ITGA6: variants seen among roughly 807,000 people sequenced by gnomAD.
ITGA6 encodes integrin subunit alpha 6.
In ITGA6, 63 loss-of-function variants were observed where a neutral mutation model predicts 133.6. That is an observed-to-expected ratio of 0.47 (90% CI 0.38 to 0.58). The LOEUF (loss-of-function observed/expected upper bound fraction) is 0.58. ITGA6 is among the 20% of genes least tolerant of loss of function. The probability of loss-of-function intolerance (pLI) is 0.00; values close to 1 mark genes in which losing one functional copy is unlikely to be tolerated. For missense variants in ITGA6, 1,068 were observed against 1,309.4 expected (o/e 0.82, Z 2.85); for synonymous variants, 434 against 482.0 (o/e 0.90, Z 1.30).
intron 23 of ITGA6, among the ~76,000 whole-genome samples, chr2:172,495,067 T>TA (rs1687074636): frequency 6.6e-6 from 1 of 152,212 alleles, no homozygotes; most frequent in South Asian, 2.1e-4. Context: ...TTGTAAAAGA[T>TA]ACGAAAATCC....
chr2:172,444,958 G>A (rs1029064982), intron 1 of ITGA6, among the ~76,000 whole-genome samples: 1 of 141,606 alleles, frequency 7.1e-6, no homozygotes, highest in Non-Finnish European at 1.5e-5. Flanking sequence ...CTTGATTTCT[G>A]TAGGTTTTGT....
chr2:172,449,845 C>T (rs140147392), intron 1 of ITGA6, among the ~76,000 whole-genome samples: 2,326 of 143,536 alleles, frequency 0.016, 32 homozygotes, highest in South Asian at 0.067. Context: ...TGCTTGAACC[C>T]GGGAGGCAGA....
At chr2:172,443,012 C>G (rs1382653684) in intron 1 of ITGA6, among the ~76,000 whole-genome samples, 1 of 152,046 alleles carries the variant, frequency 6.6e-6, no homozygotes, top group Non-Finnish European at 1.5e-5. Context: ...TCACATGGTA[C>G]AAATATTAAA....
intron 5 of ITGA6, among the ~76,000 whole-genome samples, chr2:172,471,782 C>A (rs1054783287): frequency 4.8e-4 from 73 of 151,590 alleles, no homozygotes; most frequent in African/African-American, 1.7e-3. Context: ...ATGGTAATTA[C>A]ACAAAGGCTT....
At chr2:172,468,290 G>A (rs1685770307) in intron 3 of ITGA6, among the ~76,000 whole-genome samples, 1 of 152,190 alleles carries the variant, frequency 6.6e-6, no homozygotes, top group Admixed American at 6.5e-5. Flanking sequence ...AAGAGGGTTT[G>A]TTAGGTGGAT....
intron 1 of ITGA6, among the ~76,000 whole-genome samples, chr2:172,433,984 T>C (rs551582374): frequency 2.4e-4 from 37 of 152,314 alleles, no homozygotes; most frequent in Middle Eastern, 3.4e-3. Context: ...GAATACCACC[T>C]GTCTGGTTTC....
At chr2:172,444,090 C>T (rs139487886) in intron 1 of ITGA6, among the ~76,000 whole-genome samples, 5 of 152,270 alleles carry the variant, frequency 3.3e-5, no homozygotes, top group Middle Eastern at 3.4e-3. Context: ...TTCATTTGAT[C>T]CTTGCAACAC....
At chr2:172,444,406 G>A (rs190100942) in intron 1 of ITGA6, among the ~76,000 whole-genome samples, 10 of 152,238 alleles carry the variant, frequency 6.6e-5, no homozygotes, top group Non-Finnish European at 1.0e-4. Flanking sequence ...GTTGGTGCAC[G>A]TTGAGTATCC....
intron 1 of ITGA6, among the ~76,000 whole-genome samples, chr2:172,448,430 G>C (rs1178449905): frequency 6.6e-6 from 1 of 152,100 alleles, no homozygotes; most frequent in Non-Finnish European, 1.5e-5. Context: ...CAAGTTACTT[G>C]TCTTCTCAAT....
At position 172,491,798 on chromosome 2, in the gene ITGA6, A is replaced by G. The variant is rs183467860; in HGVS notation, c.2988+275A>G. 6.6e-6 allele frequency among the ~76,000 whole-genome samples: 1 copy of G among 152,276 alleles called. No individual in the cohort carries two copies. Among genetic ancestry groups the G allele is most frequent in the African/African-American group, 2.4e-5 (1 of 41,560 alleles). On this transcript the variant is annotated intron_variant, in intron 23 of 25. Transcript: ENST00000684293. This position sits in a 1 kb window ranked among gnomAD's most constrained non-coding sequence, Gnocchi z 4.4. ...ATGGGTGCACCTCACAGCCCTCTAG[A>G]AACCTGTGTCTTCTACCATCTCTAA...
At chr2:172,453,623 A>G (rs1381636071) in intron 1 of ITGA6, among the ~76,000 whole-genome samples, 1 of 152,244 alleles carries the variant, frequency 6.6e-6, no homozygotes, top group Non-Finnish European at 1.5e-5. Flanking sequence ...ATTGGGCTGA[A>G]GGATGATTGC....
At position 172,506,278 on chromosome 2, in the gene ITGA6, CCAAAGTT is replaced by C. The variant is rs1291970319; in HGVS notation, c.*2213_*2219del. 6.6e-6 allele frequency: 1 copy of C among 152,560 alleles called. No individual in the cohort carries two copies. The highest frequency in any genetic ancestry group is 1.9e-4 in the East Asian group (1 of 5,204). The allele number at this position is 152,560 out of a possible 1,614,324, so 9.5% of individuals were successfully genotyped here. On this transcript the variant is annotated 3_prime_UTR_variant, in exon 26 of 26. Coordinates refer to ENST00000684293, the MANE Select transcript of ITGA6 (RefSeq NM_000210.4). The stretch of plus-strand genomic sequence containing the variant: ...AACCTGAATTATCTATTTCATCAAA[CCAAAGTT>C]CAGTGTTTTTATTTTTGGTGTCTCA...
At chr2:172,492,929 G>C (rs956476638) in intron 23 of ITGA6, among the ~76,000 whole-genome samples, 1 of 152,110 alleles carries the variant, frequency 6.6e-6, no homozygotes, top group African/African-American at 2.4e-5. Flanking sequence ...AGTTTTTTGA[G>C]ATGGAGTCTT....
At chr2:172,457,765 A>G (rs918859178) in intron 1 of ITGA6, among the ~76,000 whole-genome samples, 2 of 152,182 alleles carry the variant, frequency 1.3e-5, no homozygotes, top group East Asian at 3.8e-4. Context: ...CTGGGGGGGA[A>G]GCTAGGCTGG....
chr2:172,498,092 C>T lies in ITGA6; in HGVS notation c.3106C>T (p.Leu1036=). The T allele has an allele frequency of 6.2e-7, 1 of 1,613,430 alleles. No homozygotes were observed. The highest frequency in any genetic ancestry group is 8.5e-7 in the Non-Finnish European group (1 of 1,179,492). The change falls in exon 24 of 26, where the codon CTA becomes TTA. Residue 1036 remains leucine, a synonymous_variant. Transcript: ENST00000684293. ...GATGCTTGCTTTATTAGTGTTTATA[C>T]TATGGAAGGTAAGTCATATCTGGCA... ...ILMLALLVFI[L]WKCGFFKRNK...
intron 4 of ITGA6, 114 bp downstream of exon 4, chr2:172,469,494 G>T: frequency 1.1e-6 from 1 of 937,670 alleles, no homozygotes; most frequent in East Asian, 2.6e-5. Context: ...ATAAAAGTTG[G>T]GTAGGATATT....
intron 23 of ITGA6, among the ~76,000 whole-genome samples, chr2:172,493,316 A>C (rs147836425): frequency 6.6e-5 from 10 of 152,260 alleles, no homozygotes; most frequent in African/African-American, 1.4e-4. Flanking sequence ...AGGCATCATA[A>C]GGGACTTTCA....
Position 172,465,556 on chromosome 2 carries a change from C to T in ITGA6, c.200C>T (p.Pro67Leu), listed in dbSNP as rs773400791. Residue 67 changes from proline (P) to leucine (L), a missense_variant, in exon 2 of 26, where the codon CCG becomes CTG. Pro to Leu is a moderately conservative substitution (Grantham distance 98). Coordinates refer to ENST00000684293, the MANE Select transcript of ITGA6 (RefSeq NM_000210.4). ...EDKRLLLVGA[P>L]RAEALPLQRA... ...ATCAACAGGTTGCTCGTGGGGGCCC[C>T]GCGGGCAGAAGCGCTTCCACTGCAG... is the stretch of plus-strand genomic sequence containing the variant. The T allele has an allele frequency of 5.0e-6, 8 of 1,614,082 alleles. No individual in the cohort carries two copies. Among genetic ancestry groups the T allele is most frequent in the Admixed American group, 3.3e-5 (2 of 60,012 alleles).
At position 172,467,486 on chromosome 2, in the gene ITGA6, C is replaced by G; in HGVS notation, c.313C>G (p.Pro105Ala). 6.2e-7 allele frequency: 1 copy of G among 1,612,950 alleles called. No homozygotes were observed. The highest frequency in any genetic ancestry group is 1.1e-5 in the South Asian group (1 of 91,056). The change falls in exon 3 of 26, where the codon CCC becomes GCC. Residue 105 changes from proline to alanine, a missense_variant. This residue lies in a region of ITGA6 where 142 missense variants were observed against 145.3 expected (regional missense o/e 0.98). Coordinates refer to ENST00000684293, the MANE Select transcript of ITGA6 (RefSeq NM_000210.4). ...AACTATGCTCCTTTCTACAGCTGAC[C>G]CCACGTCAGAAAGCAAGGAAGATCA... ...TRIEFDNDAD[P>A]TSESKEDQWM...
Sources: gnomAD v4.1 joint callset for allele counts (sites outside exome capture counted in the v4.1 genomes callset) on GRCh38, gnomAD v4.1.1 for gene constraint, gnomAD v4.1.1 regional missense constraint, Gnocchi (gnomAD v3.1) non-coding constraint, MANE v1.5 for transcripts, NCBI Gene and HGNC (gene_info 2026-07-23, HGNC 2026-07-21) for gene names.